Variants in TLK2 observed in about 807,000 individuals in gnomAD.
TLK2 encodes tousled like kinase 2.
TLK2 carries 6 observed loss-of-function variants against 117.3 expected under a neutral mutation model. The observed-to-expected ratio is 0.05, with a 90% confidence interval of 0.03 to 0.10. TLK2 has a LOEUF of 0.10. Among genes scored for constraint, TLK2 ranks in the 10% least tolerant of loss-of-function variants. The pLI is 1.00. For missense variants in TLK2, 299 were observed against 901.2 expected (o/e 0.33, Z 8.56); for synonymous variants, 257 against 316.7 (o/e 0.81, Z 2.00).
chr17:62,564,707 T>TA (rs373536254), intron 10 of TLK2, among the ~76,000 whole-genome samples: 2,185 of 142,900 alleles, frequency 0.015, 27 homozygotes, highest in South Asian at 0.046. Flanking sequence ...GACTCTGTCT[T>TA]AAAAAAAAAA....
intron 16 of TLK2, among the ~76,000 whole-genome samples, chr17:62,587,321 A>G (rs1431704927): frequency 6.6e-6 from 1 of 152,154 alleles, no homozygotes; most frequent in African/African-American, 2.4e-5. Flanking sequence ...CAAGTATTGA[A>G]TCAGACAAGT....
chr17:62,478,301 C>G (rs1324224783), upstream of TLK2, among the ~76,000 whole-genome samples: 1 of 150,802 alleles, frequency 6.6e-6, no homozygotes, highest in African/African-American at 2.4e-5. Context: ...ACTTCTCACC[C>G]AAACTCGCGG....
chr17:62,612,368 T>G, intron 21 of TLK2, 24 bp from the exon 22 acceptor site: 1 of 1,607,404 alleles, frequency 6.2e-7, no homozygotes, highest in Non-Finnish European at 8.5e-7. Flanking sequence ...TCTGCCTCTG[T>G]CTTCAAGAAA....
At chr17:62,557,519 T>C (rs1269289108) in intron 9 of TLK2, among the ~76,000 whole-genome samples, 1 of 152,218 alleles carries the variant, frequency 6.6e-6, no homozygotes, top group African/African-American at 2.4e-5. Context: ...GAGACCCATA[T>C]GTAGTCTCAG....
chr17:62,507,122 T>C (rs2074760574), intron 2 of TLK2, among the ~76,000 whole-genome samples: 2 of 152,080 alleles, frequency 1.3e-5, no homozygotes, highest in Non-Finnish European at 2.9e-5. Context: ...AGTGGGGTTT[T>C]TTTTGGCGGG....
At chr17:62,562,157 C>T (rs1257772992) in intron 10 of TLK2, among the ~76,000 whole-genome samples, 1 of 151,988 alleles carries the variant, frequency 6.6e-6, no homozygotes, top group Non-Finnish European at 1.5e-5. Context: ...GTCAAGAGTT[C>T]GAGATCAGCC....
chr17:62,488,378 T>C (rs572205759), intron 2 of TLK2, among the ~76,000 whole-genome samples: 4 of 152,352 alleles, frequency 2.6e-5, no homozygotes, highest in South Asian at 4.1e-4. Flanking sequence ...CTTTCAGTTA[T>C]GAATATCTAG....
chr17:62,501,295 A>C (rs1433735807), intron 2 of TLK2, among the ~76,000 whole-genome samples: 1 of 152,200 alleles, frequency 6.6e-6, no homozygotes. Context: ...AGTATATCAA[A>C]ATTTGTGGGA....
intron 16 of TLK2, among the ~76,000 whole-genome samples, chr17:62,588,787 A>C (rs2081852143): frequency 6.6e-6 from 1 of 152,212 alleles, no homozygotes; most frequent in South Asian, 2.1e-4. Flanking sequence ...CAGGCTATAG[A>C]AAATGGCGAA....
At chr17:62,565,633 CAG>C (rs1241148793) in intron 11 of TLK2, among the ~76,000 whole-genome samples, 1 of 112,112 alleles carries the variant, frequency 8.9e-6, no homozygotes, top group African/African-American at 3.7e-5. Context: ...GCCTGGGCGA[CAG>C]AGCAAGACTC....
chr17:62,483,047 C>T (rs2071877534), intron 2 of TLK2, among the ~76,000 whole-genome samples: 1 of 152,152 alleles, frequency 6.6e-6, no homozygotes, highest in Admixed American at 6.5e-5. Flanking sequence ...AATGTAAACT[C>T]TCTGATCTAG....
chr17:62,524,536 T>C (rs994360580), intron 6 of TLK2, among the ~76,000 whole-genome samples: 20 of 152,190 alleles, frequency 1.3e-4, no homozygotes, highest in African/African-American at 4.8e-4. Flanking sequence ...AATCCTAATA[T>C]CTCTATATAA....
At chr17:62,606,454 C>T (rs1186809533) in intron 20 of TLK2, among the ~76,000 whole-genome samples, 8 of 152,154 alleles carry the variant, frequency 5.3e-5, no homozygotes, top group Admixed American at 1.3e-4. Flanking sequence ...ATGAGTTCTG[C>T]GGGGCTGTTA....
At chr17:62,507,435 G>GT (rs2074793492) in intron 2 of TLK2, 1 of 152,140 alleles carries the variant, frequency 6.6e-6, no homozygotes, top group African/African-American at 2.4e-5. Context: ...TTTGACTCTG[G>GT]TATGGTATGA....
intron 2 of TLK2, among the ~76,000 whole-genome samples, chr17:62,482,171 A>G (rs545943350): frequency 5.7e-4 from 87 of 151,786 alleles, no homozygotes; most frequent in African/African-American, 2.1e-3. Context: ...CTGGTCTCGA[A>G]CTCCTGACCT....
chr17:62,507,137 G>T (rs550373298), intron 2 of TLK2, among the ~76,000 whole-genome samples: 1 of 151,920 alleles, frequency 6.6e-6, no homozygotes, highest in Admixed American at 6.6e-5. Context: ...GGCGGGGCGC[G>T]CTGAGTCACA....
At chr17:62,599,226 A>T (rs1402873265) in intron 17 of TLK2, among the ~76,000 whole-genome samples, 1 of 152,204 alleles carries the variant, frequency 6.6e-6, no homozygotes, top group Non-Finnish European at 1.5e-5. Flanking sequence ...GGATTACAGC[A>T]GACATTTGTT....
At chr17:62,593,014 G>A (rs1237868766) in intron 16 of TLK2, among the ~76,000 whole-genome samples, 2 of 152,184 alleles carry the variant, frequency 1.3e-5, no homozygotes, top group Non-Finnish European at 2.9e-5. Flanking sequence ...GGTCATGCGA[G>A]CTATGGGGAG....
At chr17:62,593,218 A>T (rs2082206596) in intron 16 of TLK2, among the ~76,000 whole-genome samples, 1 of 152,102 alleles carries the variant, frequency 6.6e-6, no homozygotes, top group South Asian at 2.1e-4. Context: ...AAAATGGTAC[A>T]CCCGTACCAT....
Sources: gnomAD v4.1 joint callset for allele counts (sites outside exome capture counted in the v4.1 genomes callset) on GRCh38, gnomAD v4.1.1 for gene constraint, MANE v1.5 for transcripts, NCBI Gene and HGNC (gene_info 2026-07-23, HGNC 2026-07-21) for gene names.